The following NLRP9 variants were observed in gnomAD, a reference collection of about 807,000 sequenced individuals.
The protein encoded by NLRP9 is NACHT, LRR and PYD domains-containing protein 9.
A neutral mutation model predicts 83.1 loss-of-function variants in NLRP9; 88 were observed. The observed-to-expected ratio is 1.06, with a 90% CI of 0.89 to 1.26. The LOEUF is 1.26. Among genes scored for constraint, NLRP9 ranks in the 50% most tolerant of loss-of-function variants. The pLI, the probability that NLRP9 is intolerant of heterozygous loss-of-function variation, is 0.00. For synonymous variants in NLRP9, 521 were observed against 447.6 expected (o/e 1.16, Z -2.07); for missense variants, 1,308 against 1,179.3 (o/e 1.11, Z -1.60).
chr19:55,734,363 C>CAA (rs59545375), intron 1 of NLRP9, among the ~76,000 whole-genome samples: 1,048 of 76,652 alleles, frequency 0.014, 20 homozygotes, highest in African/African-American at 0.019. Flanking sequence ...CACTCTATCT[C>CAA]AAAAAAAAAA....
chr19:55,735,423 A>G (rs8106988), intron 1 of NLRP9, among the ~76,000 whole-genome samples: 51,796 of 151,956 alleles, frequency 0.34, 9,009 homozygotes, highest in South Asian at 0.53. Flanking sequence ...CTCCATCTCT[A>G]TTAAAAAATT....
At chr19:55,722,691 T>C (rs953293922) in intron 4 of NLRP9, among the ~76,000 whole-genome samples, 2 of 152,176 alleles carry the variant, frequency 1.3e-5, no homozygotes, top group Non-Finnish European at 1.5e-5. Context: ...TAAAGATACA[T>C]GCACATGTAT....
At chr19:55,724,593 T>TC (rs1988344291) in intron 3 of NLRP9, among the ~76,000 whole-genome samples, 1 of 152,150 alleles carries the variant, frequency 6.6e-6, no homozygotes, top group South Asian at 2.1e-4. Context: ...ATTAAGATTT[T>TC]TTTTTTTTTA....
chr19:55,714,294 T>TC (rs1486082692), intron 6 of NLRP9, among the ~76,000 whole-genome samples: 6 of 152,090 alleles, frequency 3.9e-5, no homozygotes, highest in Non-Finnish European at 8.8e-5. Flanking sequence ...GCTCTAGCTA[T>TC]CCTCTCATTA....
chr19:55,717,936 G>T (rs531033588), intron 4 of NLRP9, among the ~76,000 whole-genome samples: 1 of 152,158 alleles, frequency 6.6e-6, no homozygotes, highest in African/African-American at 2.4e-5. Context: ...AGATCAGATT[G>T]TTACTGTGTC....
chr19:55,724,427 C>T (rs369047521), intron 3 of NLRP9, among the ~76,000 whole-genome samples: 6 of 152,094 alleles, frequency 3.9e-5, no homozygotes, highest in Non-Finnish European at 7.3e-5. Context: ...CATGTTAAAC[C>T]GAGCCCCATG....
At chr19:55,719,438 C>T (rs1320008413) in intron 4 of NLRP9, among the ~76,000 whole-genome samples, 2 of 152,232 alleles carry the variant, frequency 1.3e-5, no homozygotes, top group Non-Finnish European at 2.9e-5. Context: ...CAGGTGTGAT[C>T]CGCCATGCCC....
At chr19:55,711,076 A>C in intron 8 of NLRP9, among the ~76,000 whole-genome samples, 2 of 144,730 alleles carry the variant, frequency 1.4e-5, no homozygotes, top group African/African-American at 5.4e-5. Flanking sequence ...ACAGAGCAAG[A>C]CTCTGCCTCA....
chr19:55,719,927 A>G (rs191525119), intron 4 of NLRP9, among the ~76,000 whole-genome samples: 211 of 152,342 alleles, frequency 1.4e-3, no homozygotes, highest in Admixed American at 2.4e-3. Context: ...AATGGGACGA[A>G]ATATACTGAT....
At chr19:55,716,368 C>T (rs1988011613) in intron 5 of NLRP9, among the ~76,000 whole-genome samples, 2 of 150,664 alleles carry the variant, frequency 1.3e-5, no homozygotes, top group Non-Finnish European at 2.9e-5. Flanking sequence ...AAGGGATTCT[C>T]CTGCCTCAGC....
At position 55,724,816 on chromosome 19, in the gene NLRP9, G is replaced by A. The variant is rs576201634; in HGVS notation, c.1995-672C>T. Among the ~76,000 whole-genome samples the A allele has an allele frequency of 2.6e-5, 4 of 152,246 alleles. No homozygotes were observed. In the East Asian group the frequency reaches 7.7e-4, roughly 29 times the overall value. On this transcript the variant is annotated intron_variant, in intron 3 of 8. Coordinates refer to ENST00000332836, the MANE Select transcript of NLRP9 (RefSeq NM_176820.4). ...GCATGGTGACTCACACCTGTAATTT[G>A]GGAGGCCAAGGCAGGCAGATCACAT...
At chr19:55,716,257 C>CT (rs931275248) in intron 5 of NLRP9, among the ~76,000 whole-genome samples, 7,382 of 117,778 alleles carry the variant, frequency 0.063, 306 homozygotes, top group Non-Finnish European at 0.07. Flanking sequence ...TAAAAATTTT[C>CT]TTTTTTTTTT....
At chr19:55,730,779 G>T (rs553395201) in intron 2 of NLRP9, among the ~76,000 whole-genome samples, 1 of 152,104 alleles carries the variant, frequency 6.6e-6, no homozygotes, top group Non-Finnish European at 1.5e-5. Context: ...TGGGAGGAGG[G>T]AGAGCATCAG....
chr19:55,724,746 G>C (rs1306618780), intron 3 of NLRP9, among the ~76,000 whole-genome samples: 1 of 152,112 alleles, frequency 6.6e-6, no homozygotes, highest in Non-Finnish European at 1.5e-5. Flanking sequence ...GTCTCTTCAT[G>C]AAAGATATGG....
rs1568602282 is a variant in NLRP9 at position 55,730,052 on chromosome 19, A to G, written c.1833-60T>C. ...CTAAACTCAATTCAAGACATTCTCA[A>G]AACAGGTCGAACACCATTTCCAAAG... On this transcript the variant is annotated intron_variant, in intron 2 of 8. Coordinates refer to ENST00000332836, the MANE Select transcript of NLRP9 (RefSeq NM_176820.4). 44 of 1,483,178 alleles carry G rather than the reference A, an allele frequency of 3.0e-5. No individual in the cohort carries two copies. In the Middle Eastern group the frequency reaches 5.3e-4, roughly 18 times the overall value. The allele number at this position is 1,483,178 out of a possible 1,614,324, so 91.9% of individuals were successfully genotyped here. A position where few individuals can be genotyped will look rare whatever the true frequency, so the allele number is the denominator to read the frequency against.
At chr19:55,709,313 G>A in intron 8 of NLRP9, 1 of 217,796 alleles carries the variant, frequency 4.6e-6, no homozygotes, top group Non-Finnish European at 9.0e-6. Context: ...GAAAAACACA[G>A]GATAACTTCC....
At position 55,712,410 on chromosome 19, in the gene NLRP9, A is replaced by G; in HGVS notation, c.2672+10T>C. The G allele has an allele frequency of 2.5e-6, 4 of 1,603,364 alleles. No individual in the cohort carries two copies. The highest frequency in any genetic ancestry group is 3.4e-6 in the Non-Finnish European group (4 of 1,171,626). ...AAATTTTCCTACGATGGTGATCAGT[A>G]GATACTCACCCGAGACACTCTAATT... On this transcript the variant is annotated intron_variant, in intron 7 of 8. Transcript: ENST00000332836.
intron 7 of NLRP9, among the ~76,000 whole-genome samples, 188 bp from the exon 8 acceptor site, chr19:55,712,158 T>C (rs527372249): frequency 6.6e-6 from 1 of 152,304 alleles, no homozygotes; most frequent in South Asian, 2.1e-4. Flanking sequence ...CTGAAGGTGC[T>C]GCTGGCAACT....
chr19:55,711,619 G>C (rs1210536153), intron 8 of NLRP9, 181 bp downstream of exon 8: 2 of 872,696 alleles, frequency 2.3e-6, no homozygotes, highest in Non-Finnish European at 3.7e-6. Context: ...CGAGAATGTT[G>C]CTTGACATCT....
Sources: gnomAD v4.1 joint callset for allele counts (sites outside exome capture counted in the v4.1 genomes callset) on GRCh38, gnomAD v4.1.1 for gene constraint, MANE v1.5 for transcripts, NCBI Gene and HGNC (gene_info 2026-07-23, HGNC 2026-07-21) for gene names.